EOLA1: variants seen among roughly 807,000 people sequenced by gnomAD.
The protein encoded by EOLA1 is endothelium and lymphocyte associated ASCH domain 1.
Under a neutral mutation model 4.5 loss-of-function variants are expected in EOLA1, and 1 was observed. The observed-to-expected ratio is 0.22, with a 90% confidence interval of 0.08 to 1.05. The LOEUF is 1.05. Among genes scored for constraint, EOLA1 ranks in the 50% least tolerant of loss-of-function variants. EOLA1 has a pLI of 0.57. For synonymous variants in EOLA1, 37 were observed against 52.3 expected (o/e 0.71, Z 1.26); for missense variants, 69 against 127.2 (o/e 0.54, Z 2.20).
Position 149,541,204 on chromosome X carries a change from C to T in EOLA1, c.-369C>T, listed in dbSNP as rs1336559378. ...CGGGGAAGCAGAGGACTGTTCATTCCTGTGGCGAAAAGCCGGAGTCGGCCC... is the reference window on the plus strand; with the variant it reads ...CGGGGAAGCAGAGGACTGTTCATTCTTGTGGCGAAAAGCCGGAGTCGGCCC... On this transcript the variant is annotated 5_prime_UTR_variant, in exon 1 of 5. Transcript: ENST00000393985. 8.8e-6 allele frequency: 1 copy of T among 113,163 alleles called. No homozygotes were observed. Among genetic ancestry groups the T allele is most frequent in the Admixed American group, 9.3e-5 (1 of 10,731 alleles). 9.3% of individuals were successfully genotyped at this position (113,163 alleles called of 1,213,427 possible).
chrX:149,545,522 T>G (rs1210064395), intron 3 of EOLA1, 22 bp downstream of exon 3: 223 of 1,152,552 alleles, frequency 1.9e-4, no homozygotes, highest in Non-Finnish European at 2.5e-4. Flanking sequence ...TTAGGCCACC[T>G]GAGAGACACG....
chrX:149,545,734 G>A lies in EOLA1; in HGVS notation c.104G>A (p.Arg35Gln). The A allele has an allele frequency of 4.1e-6, 5 of 1,212,189 alleles. No homozygotes were observed. The highest frequency in any genetic ancestry group is 3.5e-5 in the South Asian group (2 of 57,030). The change falls in exon 4 of 5, where the codon CGG becomes CAG. Residue 35 changes from arginine (R) to glutamine (Q), a missense_variant. Coordinates refer to ENST00000393985, the MANE Select transcript of EOLA1 (RefSeq NM_001171907.3). ...TRWRPLLSSQ[R>Q]NCTIAVHIAH... ...TGGCGTCCCCTGCTGAGCAGCCAGC[G>A]GAACTGTACCATCGCCGTCCACATT... is the stretch of plus-strand genomic sequence containing the variant.
intron 1 of EOLA1, chrX:149,541,818 C>T: frequency 1.3e-6 from 1 of 751,009 alleles, no homozygotes; most frequent in Middle Eastern, 4.0e-4. Flanking sequence ...GGTCCTTGAC[C>T]CAGACAGGTG....
chrX:149,550,687 T>C (rs2124168856), downstream of EOLA1, among the ~76,000 whole-genome samples: 1 of 103,380 alleles, frequency 9.7e-6, no homozygotes, highest in South Asian at 4.4e-4. Context: ...GAGCTCTGCT[T>C]GCCCTTGCAT....
chrX:149,548,875 G>A (rs1271037939), downstream of EOLA1: 1 of 290,717 alleles, frequency 3.4e-6, no homozygotes, highest in East Asian at 4.9e-5. Context: ...CCAGGAGCCT[G>A]GGCTTGTCTC....
At chrX:149,543,621 C>T (rs1314170338) in intron 2 of EOLA1, among the ~76,000 whole-genome samples, 2 of 88,077 alleles carry the variant, frequency 2.3e-5, no homozygotes, top group African/African-American at 8.8e-5. Flanking sequence ...CACAGTGCCA[C>T]GGGATGTGGG....
chrX:149,544,159 T>G (rs2089788012), intron 2 of EOLA1, among the ~76,000 whole-genome samples: 1 of 54,362 alleles, frequency 1.8e-5, no homozygotes, highest in Non-Finnish European at 3.4e-5. Context: ...GCATAGATGG[T>G]GGCTGGTGGC....
chrX:149,548,302 T>A lies in EOLA1; in HGVS notation c.*1340T>A. ...TGTTTCTCATTAAAAAATGGCAACTTTTATGGGCCATTAGTGGCCTGTGAC... is the reference window on the plus strand; with the variant it reads ...TGTTTCTCATTAAAAAATGGCAACTATTATGGGCCATTAGTGGCCTGTGAC... On this transcript the variant is annotated 3_prime_UTR_variant, in exon 5 of 5. Transcript: ENST00000393985. 4 of 916,739 alleles carry A rather than the reference T, an allele frequency of 4.4e-6. No individual in the cohort carries two copies. Among genetic ancestry groups the A allele is most frequent in the Non-Finnish European group, 5.4e-6 (4 of 737,541 alleles). 75.5% of individuals were successfully genotyped at this position (916,739 alleles called of 1,213,427 possible). A position where few individuals can be genotyped will look rare whatever the true frequency, so the allele number is the denominator to read the frequency against.
At position 149,547,726 on chromosome X, in the gene EOLA1, T is replaced by C; in HGVS notation, c.*764T>C. 5.1e-6 allele frequency: 3 copies of C among 591,210 alleles called. No individual in the cohort carries two copies. The highest frequency in any genetic ancestry group is 6.0e-6 in the Non-Finnish European group (3 of 496,460). 48.7% of individuals were successfully genotyped at this position (591,210 alleles called of 1,213,427 possible). On this transcript the variant is annotated 3_prime_UTR_variant, in exon 5 of 5. Transcript: ENST00000393985. The stretch of plus-strand genomic sequence containing the variant: ...TAGCAAAGTTTCTAGTTGTTATCCA[T>C]GAGGATGATGGGCATTTCCCCCCAG...
upstream of EOLA1, chrX:149,540,757 T>G (rs1231189325): frequency 1.8e-5 from 2 of 111,762 alleles, no homozygotes; most frequent in Non-Finnish European, 3.8e-5. Flanking sequence ...GGTCTCGAGG[T>G]CCCCTGGCCT....
At chrX:149,541,388 G>A (rs1161438372) in intron 1 of EOLA1, 45 bp downstream of exon 1, 2 of 113,681 alleles carry the variant, frequency 1.8e-5, no homozygotes, top group Non-Finnish European at 3.7e-5. Context: ...CTGGGAACTC[G>A]TGCGGGGCGC....
In EOLA1 at chrX:149,547,165, G is replaced by C. The variant is rs1394811742; in HGVS notation, c.*203G>C. On this transcript the variant is annotated 3_prime_UTR_variant, in exon 5 of 5. Coordinates refer to ENST00000393985, the MANE Select transcript of EOLA1 (RefSeq NM_001171907.3). ...AAGTAGGGGGTGGGGCTTTCCTTGT[G>C]TGATGCCTCCTTAGGCACACAGGCA... The C allele has an allele frequency of 8.2e-6, 8 of 973,987 alleles. No individual in the cohort carries two copies. Among genetic ancestry groups the C allele is most frequent in the Non-Finnish European group, 9.4e-6 (7 of 747,838 alleles). 80.3% of individuals were successfully genotyped at this position (973,987 alleles called of 1,213,427 possible).
chrX:149,546,008 C>CCAAAGG, intron 4 of EOLA1, 125 bp downstream of exon 4: 1 of 814,935 alleles, frequency 1.2e-6, no homozygotes. Context: ...TTTCCTTTGG[C>CCAAAGG]AACACACCTT....
rs1557346145 is a variant in EOLA1 at position 149,541,114 on chromosome X, C to T, written c.-459C>T. 8.9e-6 allele frequency: 1 copy of T among 112,222 alleles called. No individual in the cohort carries two copies. Among genetic ancestry groups the T allele is most frequent in the Non-Finnish European group, 1.9e-5 (1 of 53,241 alleles). The allele number at this position is 112,222 out of a possible 1,213,427, so 9.2% of individuals were successfully genotyped here. ...ACACTAGCCAGGCGCTCCCTCTTCT[C>T]ACAGCGGCCCACGTCTCCTTGCTTG... On this transcript the variant is annotated 5_prime_UTR_variant, in exon 1 of 5. Coordinates refer to ENST00000393985, the MANE Select transcript of EOLA1 (RefSeq NM_001171907.3).
At chrX:149,541,762 C>T (rs782655278) in intron 1 of EOLA1, 1 of 754,326 alleles carries the variant, frequency 1.3e-6, no homozygotes, top group Non-Finnish European at 1.6e-6. Context: ...GAATGCTGCT[C>T]AACATGGTGA....
In EOLA1 at chrX:149,547,097, T is replaced by G. The variant is rs1208041569; in HGVS notation, c.*135T>G. ...CACTGCTTTGGAGAGTCCCACCCAC[T>G]AAGCACTGTGCATGTAAACAGGTTC... On this transcript the variant is annotated 3_prime_UTR_variant, in exon 5 of 5. Transcript: ENST00000393985. 7.2e-5 allele frequency: 80 copies of G among 1,105,385 alleles called. No individual in the cohort carries two copies. The highest frequency in any genetic ancestry group is 9.2e-5 in the Non-Finnish European group (78 of 843,636). 91.1% of individuals were successfully genotyped at this position (1,105,385 alleles called of 1,213,427 possible). A position where few individuals can be genotyped will look rare whatever the true frequency, so the allele number is the denominator to read the frequency against.
downstream of EOLA1, among the ~76,000 whole-genome samples, chrX:149,549,219 A>G (rs1454261488): frequency 2.7e-5 from 3 of 112,214 alleles, no homozygotes; most frequent in Non-Finnish European, 5.6e-5. Context: ...TTTAAGTTCT[A>G]TACTTTTCAT....
chrX:149,544,473 G>A (rs2089796753), intron 2 of EOLA1: 18 of 742,637 alleles, frequency 2.4e-5, no homozygotes, highest in Admixed American at 1.8e-4. Flanking sequence ...CCGGGGGCGG[G>A]GCCACGGGCC....
chrX:149,545,593 C>A lies in EOLA1; in HGVS notation c.-29-9C>A, dbSNP rs1557347525. The A allele has an allele frequency of 1.7e-6, 2 of 1,194,572 alleles. No individual in the cohort carries two copies. Among genetic ancestry groups the A allele is most frequent in the South Asian group, 1.8e-5 (1 of 54,964 alleles). On this transcript the variant is annotated splice_polypyrimidine_tract_variant and intron_variant, in intron 3 of 4. Transcript: ENST00000393985. ...GGCTGGCGTGTGATGCGCTTCTGTG[C>A]TTCCGCAGGCTACGGGAGGCCCGGG...
Sources: allele counts gnomAD v4.1 joint callset (sites outside exome capture counted in the v4.1 genomes callset), GRCh38; gene constraint gnomAD v4.1.1; transcripts MANE v1.5; gene names NCBI Gene and HGNC (gene_info 2026-07-23, HGNC 2026-07-21).